DNAH5: variants seen among roughly 807,000 people sequenced by gnomAD.
The protein encoded by DNAH5 is axonemal beta dynein heavy chain 5.
DNAH5 carries 372 observed loss-of-function variants against 518.2 expected under a neutral mutation model. The observed-to-expected ratio is 0.72, with a 90% CI of 0.66 to 0.78. The LOEUF (loss-of-function observed/expected upper bound fraction) is 0.78. Ranked by LOEUF, DNAH5 falls within the 30% of genes least tolerant of loss-of-function variation. The pLI, the probability that DNAH5 is intolerant of heterozygous loss-of-function variation, is 0.00. For synonymous variants in DNAH5, 2,039 were observed against 2,025.9 expected, an observed-to-expected ratio of 1.01 and a Z score of -0.17; for missense variants, 5,523 against 5,687.0, an observed-to-expected ratio of 0.97 and a Z score of 0.93.
Position 13,786,169 on chromosome 5 carries a change from G to C in DNAH5, c.8820+10C>G. ...CCTCCACAAGGCACTACTCAGAGTG[G>C]CTACTGTACCTTGACTAAGTGAACC... is the stretch of plus-strand genomic sequence containing the variant. On this transcript the variant is annotated intron_variant, in intron 52 of 78. Transcript: ENST00000265104. 1 of 1,613,614 alleles carries C rather than the reference G, an allele frequency of 6.2e-7. No homozygotes were observed.
At chr5:13,760,545 A>G (rs1412656229) in intron 60 of DNAH5, among the ~76,000 whole-genome samples, 1 of 152,226 alleles carries the variant, frequency 6.6e-6, no homozygotes, top group Non-Finnish European at 1.5e-5. Context: ...ATGTACTCAT[A>G]CTGATTTCCA....
At chr5:13,937,595 C>T (rs1409842658) in intron 1 of DNAH5, among the ~76,000 whole-genome samples, 1 of 151,836 alleles carries the variant, frequency 6.6e-6, no homozygotes, top group Non-Finnish European at 1.5e-5. Context: ...CATCATACTG[C>T]ATATACCAGG....
intron 35 of DNAH5, among the ~76,000 whole-genome samples, chr5:13,838,187 A>G (rs908693630): frequency 4.6e-5 from 7 of 152,214 alleles, no homozygotes; most frequent in African/African-American, 1.7e-4. Context: ...TACAAAGTTC[A>G]AATTAGACTA....
chr5:13,955,138 C>A (rs1009410176), intron 1 of DNAH5, among the ~76,000 whole-genome samples: 14 of 152,118 alleles, frequency 9.2e-5, no homozygotes, highest in African/African-American at 3.4e-4. Context: ...TTAGCACCGT[C>A]CCCCAACTGC....
At position 13,786,315 on chromosome 5, in the gene DNAH5, T is replaced by G; in HGVS notation, c.8684A>C (p.Lys2895Thr). 1.2e-6 allele frequency: 2 copies of G among 1,614,124 alleles called. No individual in the cohort carries two copies. The highest frequency in any genetic ancestry group is 1.7e-6 in the Non-Finnish European group (2 of 1,180,010). ...TSEEADAETP[K>T]IYEPIESFSH... ...AAAAGATTCAATTGGCTCATAAATTTTAGGTGTTTCAGCATCAGCCTCTTC... is the reference window on the plus strand; with the variant it reads ...AAAAGATTCAATTGGCTCATAAATTGTAGGTGTTTCAGCATCAGCCTCTTC... Residue 2895 changes from lysine to threonine, a missense_variant, in exon 52 of 79, where the codon AAA (lysine) becomes ACA (threonine). Lys to Thr is a moderately conservative substitution (Grantham distance 78, BLOSUM62 -1). Transcript: ENST00000265104.
chr5:13,950,707 A>G (rs923129351), intron 1 of DNAH5, among the ~76,000 whole-genome samples: 2 of 152,210 alleles, frequency 1.3e-5, no homozygotes, highest in Non-Finnish European at 2.9e-5. Context: ...TTATTATAGT[A>G]AGTCTTTCTG....
At position 14,006,275 on chromosome 5, in the gene DNAH5, C is replaced by G. The variant is rs113817072; in HGVS notation, c.12+5373G>C. Among the ~76,000 whole-genome samples the G allele has an allele frequency of 6.4e-4, 98 of 152,284 alleles. 2 individuals are homozygous for G. Among genetic ancestry groups the G allele is most frequent in the African/African-American group, 2.3e-3 (95 of 41,570 alleles). ...CTGTAAAATCCAGTTGACATACCAG[C>G]GCGAGGCTATAACAGGGACTAACTG... On this transcript the variant is annotated intron_variant, in intron 1 of 78. Transcript: ENST00000681290.
At position 13,900,218 on chromosome 5, in the gene DNAH5, G is replaced by A. The variant is rs1774417172; in HGVS notation, c.2247C>T (p.Phe749=). Residue 749 remains phenylalanine, a synonymous_variant, in exon 15 of 79, where the codon TTC becomes TTT. Coordinates refer to ENST00000265104, the MANE Select transcript of DNAH5 (RefSeq NM_001369.3). ...AAAAGTAGTATACCTTCATGTTACT[G>A]AAGTTCCTTTTGTATCTATCTCGTT... ...FQKRDRYKRN[F]SNMKMMLAEY... 6.2e-7 allele frequency: 1 copy of A among 1,613,526 alleles called. No individual in the cohort carries two copies. The highest frequency in any genetic ancestry group is 8.5e-7 in the Non-Finnish European group (1 of 1,179,540).
intron 12 of DNAH5, among the ~76,000 whole-genome samples, chr5:13,906,829 C>T (rs912360714): frequency 6.6e-6 from 1 of 151,770 alleles, no homozygotes; most frequent in Non-Finnish European, 1.5e-5. Context: ...CAATAGTGAC[C>T]CTTCGTGGAA....
At chr5:14,004,719 C>T (rs543640469) in intron 1 of DNAH5, among the ~76,000 whole-genome samples, 51 of 152,248 alleles carry the variant, frequency 3.3e-4, no homozygotes, top group African/African-American at 1.2e-3. Flanking sequence ...ACAGAGCAGG[C>T]CTTCAGAAAT....
chr5:13,923,588 T>C (rs778374422), intron 3 of DNAH5, 148 bp from the exon 4 acceptor site: 16 of 844,426 alleles, frequency 1.9e-5, no homozygotes, highest in Admixed American at 6.2e-5. Context: ...ATCTCTAGCA[T>C]GAGCCGTACA....
chr5:13,938,677 A>G (rs1779186231), intron 1 of DNAH5, among the ~76,000 whole-genome samples: 1 of 152,130 alleles, frequency 6.6e-6, no homozygotes, highest in Admixed American at 6.6e-5. Context: ...CCCCTGGATA[A>G]GACAGAACTA....
In DNAH5 at chr5:13,922,204, C is replaced by A; in HGVS notation, c.563G>T (p.Gly188Val). ...GCGAATGTTAGCTGCGTCCTGAAGGCCCTCGAGCTCGCCCCAGCCATGGCT... is the reference window on the plus strand; with the variant it reads ...GCGAATGTTAGCTGCGTCCTGAAGGACCTCGAGCTCGCCCCAGCCATGGCT... ...ATSHGWGELE[G>V]LQDAANIRQE... The change falls in exon 5 of 79, where the codon GGC becomes GTC. Residue 188 changes from glycine (G) to valine (V), a missense_variant. Around this residue, in one of 3 missense-constraint regions of DNAH5, gnomAD observed 5,121 missense variants for 5,223.3 expected, o/e 0.98. Coordinates refer to ENST00000265104, the MANE Select transcript of DNAH5 (RefSeq NM_001369.3). 4 of 1,614,140 alleles carry A rather than the reference C, an allele frequency of 2.5e-6. No individual in the cohort carries two copies. In the East Asian group the frequency reaches 8.9e-5, roughly 36 times the overall value.
At position 13,727,668 on chromosome 5, in the gene DNAH5, A is replaced by G. The variant is rs1468686663; in HGVS notation, c.11884-12T>C. On this transcript the variant is annotated splice_polypyrimidine_tract_variant and intron_variant, in intron 69 of 78. Transcript: ENST00000265104. The stretch of plus-strand genomic sequence containing the variant: ...TCATTTCTCGATATCTGAAAATACC[A>G]TGGGATAAAAACTGTGTCATGCCAC... 2.5e-6 allele frequency: 4 copies of G among 1,613,686 alleles called. No individual in the cohort carries two copies. The highest frequency in any genetic ancestry group is 1.3e-5 in the African/African-American group (1 of 75,044).
intron 21 of DNAH5, among the ~76,000 whole-genome samples, chr5:13,881,698 G>A (rs180749590): frequency 5.3e-5 from 8 of 151,764 alleles, no homozygotes; most frequent in Non-Finnish European, 7.4e-5. Flanking sequence ...AAGAGGAAAC[G>A]GTATAGCAAA....
At chr5:13,759,186 A>G (rs966962613) in intron 60 of DNAH5, among the ~76,000 whole-genome samples, 1 of 152,266 alleles carries the variant, frequency 6.6e-6, no homozygotes, top group Non-Finnish European at 1.5e-5. Flanking sequence ...GTTACACTTC[A>G]TTAGAAAGGA....
At chr5:13,808,985 A>G in intron 46 of DNAH5, 59 bp downstream of exon 46, 1 of 1,583,954 alleles carries the variant, frequency 6.3e-7, no homozygotes, top group South Asian at 1.1e-5. Flanking sequence ...AAATAAATGC[A>G]GGATGCTTCA....
chr5:13,975,568 G>C (rs1450341977), intron 1 of DNAH5, among the ~76,000 whole-genome samples: 2 of 152,086 alleles, frequency 1.3e-5, no homozygotes, highest in African/African-American at 4.8e-5. Flanking sequence ...TCTGAGGCAG[G>C]GTTTACTTAC....
chr5:13,716,182 G>T (rs2126501704), intron 74 of DNAH5, among the ~76,000 whole-genome samples: 1 of 152,312 alleles, frequency 6.6e-6, no homozygotes, highest in African/African-American at 2.4e-5. Context: ...CAGGTGATTT[G>T]TGTAGGTCTC....
Sources: allele counts gnomAD v4.1 joint callset (sites outside exome capture counted in the v4.1 genomes callset), GRCh38; gene constraint gnomAD v4.1.1; regional missense constraint gnomAD v4.1.1; transcripts MANE v1.5; gene names NCBI Gene and HGNC (gene_info 2026-07-23, HGNC 2026-07-21).